The following CRHR1 variants were observed in gnomAD, a reference collection of about 807,000 sequenced individuals.
CRHR1 encodes corticotropin releasing hormone receptor 1.
Under a neutral mutation model 56.0 loss-of-function variants are expected in CRHR1, and 28 were observed. That is an observed-to-expected ratio of 0.50 (90% confidence interval 0.37 to 0.69). CRHR1 has a LOEUF of 0.69. Ranked by LOEUF, CRHR1 falls within the 30% of genes least tolerant of loss-of-function variation. The pLI, the probability that CRHR1 is intolerant of heterozygous loss-of-function variation, is 0.00. For synonymous variants in CRHR1, 195 were observed against 216.5 expected, an observed-to-expected ratio of 0.90 and a Z score of 0.87; for missense variants, 376 against 548.0, an observed-to-expected ratio of 0.69 and a Z score of 3.13.
chr17:45,784,618 G>A lies in CRHR1; in HGVS notation c.33+41G>A. On this transcript the variant is annotated intron_variant, in intron 1 of 12. Coordinates refer to ENST00000314537, the MANE Select transcript of CRHR1 (RefSeq NM_004382.5). This position sits in a 1 kb window ranked among gnomAD's most constrained non-coding sequence, Gnocchi z 4.2. The stretch of plus-strand genomic sequence containing the variant: ...CCATCCCTCGAGCGCTGGCGCCCCC[G>A]GCCCCTGGCGGACGCGGGACGGGGC... The A allele has an allele frequency of 6.5e-7, 1 of 1,530,662 alleles. No homozygotes were observed. The highest frequency in any genetic ancestry group is 8.8e-7 in the Non-Finnish European group (1 of 1,137,644). 94.8% of individuals were successfully genotyped at this position (1,530,662 alleles called of 1,614,324 possible).
intron 1 of CRHR1, among the ~76,000 whole-genome samples, chr17:45,792,109 A>G (rs570929344): frequency 1.3e-5 from 2 of 152,188 alleles, no homozygotes; most frequent in South Asian, 4.2e-4. Context: ...CTAGCAGGTT[A>G]GACAGCCTCC....
Position 45,834,983 on chromosome 17 carries a change from G to A in CRHR1, c.*219G>A. The A allele has an allele frequency of 1.6e-6, 1 of 615,606 alleles. No individual in the cohort carries two copies. Among genetic ancestry groups the A allele is most frequent in the South Asian group, 2.3e-5 (1 of 43,090 alleles). 38.1% of individuals were successfully genotyped at this position (615,606 alleles called of 1,614,324 possible). ...CACCTACAGGACTGGGCCGGGCCCA[G>A]GGCCTCTGGCTTCCCTGCCCAATCC... On this transcript the variant is annotated 3_prime_UTR_variant, in exon 13 of 13. Coordinates refer to ENST00000314537, the MANE Select transcript of CRHR1 (RefSeq NM_004382.5).
chr17:45,824,385 C>T (rs1223827035), intron 4 of CRHR1, among the ~76,000 whole-genome samples: 1 of 152,248 alleles, frequency 6.6e-6, no homozygotes, highest in Non-Finnish European at 1.5e-5. Context: ...TCACGCCCTG[C>T]ACTCAACCCT....
chr17:45,814,588 G>C (rs1321992492), intron 2 of CRHR1, among the ~76,000 whole-genome samples: 1 of 152,196 alleles, frequency 6.6e-6, no homozygotes, highest in Non-Finnish European at 1.5e-5. Context: ...GCAGGGCATG[G>C]CCTCTATACG....
intron 5 of CRHR1, among the ~76,000 whole-genome samples, 198 bp from the exon 6 acceptor site, chr17:45,829,896 G>A (rs1437938225): frequency 6.6e-6 from 1 of 152,096 alleles, no homozygotes; most frequent in Non-Finnish European, 1.5e-5. Context: ...GCTTATGTCT[G>A]GGTGGGCTGC....
At chr17:45,833,290 T>A in intron 9 of CRHR1, 80 bp downstream of exon 9, 1 of 1,516,756 alleles carries the variant, frequency 6.6e-7, no homozygotes. Flanking sequence ...AAAGGACTCC[T>A]CTACCTAGAG....
chr17:45,792,878 G>A (rs537053387), intron 1 of CRHR1, among the ~76,000 whole-genome samples: 41 of 152,320 alleles, frequency 2.7e-4, no homozygotes, highest in South Asian at 2.5e-3. Flanking sequence ...TGTTCCCACC[G>A]TAGACTATGA....
intron 2 of CRHR1, among the ~76,000 whole-genome samples, chr17:45,813,270 C>T (rs1158894236): frequency 6.6e-6 from 1 of 152,210 alleles, no homozygotes; most frequent in African/African-American, 2.4e-5. Flanking sequence ...AACTCCACTC[C>T]GCGGCTGAGG....
Position 45,833,698 on chromosome 17 carries a change from A to ACC in CRHR1, c.930-14_930-13dup. ...GTGGGCTGTGACTCCGAGCCTCCCC[A>ACC]CCCGCCCCACCCCAGGAAGGCTGTG... is the stretch of plus-strand genomic sequence containing the variant. On this transcript the variant is annotated splice_polypyrimidine_tract_variant and intron_variant, in intron 10 of 12. Transcript: ENST00000314537. 1 of 340,478 alleles carries ACC rather than the reference A, an allele frequency of 2.9e-6. No homozygotes were observed. Among genetic ancestry groups the ACC allele is most frequent in the South Asian group, 3.5e-5 (1 of 28,560 alleles). 21.1% of individuals were successfully genotyped at this position (340,478 alleles called of 1,614,324 possible).
intron 1 of CRHR1, among the ~76,000 whole-genome samples, chr17:45,793,468 G>C (rs529514579): frequency 1.3e-5 from 2 of 152,296 alleles, no homozygotes; most frequent in South Asian, 4.2e-4. Context: ...TTCCCTCCCT[G>C]GTGCTGTCCT....
chr17:45,830,839 G>A, intron 7 of CRHR1, 41 bp from the exon 8 acceptor site: 1 of 1,598,882 alleles, frequency 6.3e-7, no homozygotes, highest in South Asian at 1.1e-5. Flanking sequence ...ACATCCTCCA[G>A]CCCCCGCTGA....
Position 45,784,580 on chromosome 17 carries a change from A to G in CRHR1, c.33+3A>G. ...ACCCGCAGCTCCGTCTCGTCAAGGT[A>G]ACAGCCCGCCGGCCATCCCTCGAGC... On this transcript the variant is annotated splice_donor_region_variant and intron_variant, in intron 1 of 12. Coordinates refer to ENST00000314537, the MANE Select transcript of CRHR1 (RefSeq NM_004382.5). The surrounding 1 kb of genome is among the most constrained non-coding windows in gnomAD (Gnocchi z 4.2). 6.5e-7 allele frequency: 1 copy of G among 1,549,176 alleles called. No individual in the cohort carries two copies. Among genetic ancestry groups the G allele is most frequent in the African/African-American group, 1.4e-5 (1 of 72,132 alleles).
intron 2 of CRHR1, among the ~76,000 whole-genome samples, chr17:45,810,597 G>C (rs2061803717): frequency 6.6e-6 from 1 of 152,078 alleles, no homozygotes. Flanking sequence ...GCCGTCTAGG[G>C]GTGCAGGGCC....
In CRHR1 at chr17:45,784,626, G is replaced by T; in HGVS notation, c.33+49G>T. ...CGAGCGCTGGCGCCCCCGGCCCCTG[G>T]CGGACGCGGGACGGGGCTGGGCTGT... On this transcript the variant is annotated intron_variant, in intron 1 of 12. Coordinates refer to ENST00000314537, the MANE Select transcript of CRHR1 (RefSeq NM_004382.5). This position sits in a 1 kb window ranked among gnomAD's most constrained non-coding sequence, Gnocchi z 4.2. 6.6e-7 allele frequency: 1 copy of T among 1,525,446 alleles called. No homozygotes were observed. Among genetic ancestry groups the T allele is most frequent in the Non-Finnish European group, 8.8e-7 (1 of 1,134,658 alleles). 94.5% of individuals were successfully genotyped at this position (1,525,446 alleles called of 1,614,324 possible).
intron 2 of CRHR1, among the ~76,000 whole-genome samples, chr17:45,808,632 T>C (rs953155755): frequency 6.6e-6 from 1 of 151,780 alleles, no homozygotes; most frequent in Non-Finnish European, 1.5e-5. Flanking sequence ...CTAGGTTTGG[T>C]TTGGTTTGGT....
At chr17:45,817,031 G>A (rs2061943314) in intron 3 of CRHR1, among the ~76,000 whole-genome samples, 1 of 152,212 alleles carries the variant, frequency 6.6e-6, no homozygotes, top group South Asian at 2.1e-4. Flanking sequence ...GCCTACCCCG[G>A]GCCCTCCAGC....
chr17:45,790,387 T>C (rs1419096958), intron 1 of CRHR1, among the ~76,000 whole-genome samples: 1 of 152,220 alleles, frequency 6.6e-6, no homozygotes, highest in Non-Finnish European at 1.5e-5. Flanking sequence ...GCAGACTTCA[T>C]GAAACAGGCA....
At chr17:45,823,828 C>G (rs2062098791) in intron 4 of CRHR1, among the ~76,000 whole-genome samples, 1 of 152,228 alleles carries the variant, frequency 6.6e-6, no homozygotes, top group Non-Finnish European at 1.5e-5. Flanking sequence ...CTGTCTCCTT[C>G]CGGAAGCTGC....
intron 1 of CRHR1, among the ~76,000 whole-genome samples, chr17:45,791,850 T>TCACACACACACA (rs1327755962): frequency 7.1e-5 from 8 of 112,266 alleles, no homozygotes; most frequent in African/African-American, 2.5e-4. Context: ...TCTCTCTCTC[T>TCACACACACACA]CTCACACACA....
Sources: allele counts gnomAD v4.1 joint callset (sites outside exome capture counted in the v4.1 genomes callset), GRCh38; gene constraint gnomAD v4.1.1; non-coding constraint Gnocchi (gnomAD v3.1); transcripts MANE v1.5; gene names NCBI Gene and HGNC (gene_info 2026-07-23, HGNC 2026-07-21).